TPD52: variants seen among roughly 807,000 people sequenced by gnomAD.
The protein encoded by TPD52 is tumor protein D52, also known as prostate and colon associated protein.
A neutral mutation model predicts 31.3 loss-of-function variants in TPD52; 17 were observed. That is an observed-to-expected ratio of 0.54 (90% CI 0.37 to 0.82). TPD52 has a LOEUF of 0.82. Among genes scored for constraint, TPD52 ranks in the 40% least tolerant of loss-of-function variants. The pLI, the probability that TPD52 is intolerant of heterozygous loss-of-function variation, is 0.00. For missense variants in TPD52, 212 were observed against 240.1 expected, an observed-to-expected ratio of 0.88 and a Z score of 0.77; for synonymous variants, 83 against 89.6, an observed-to-expected ratio of 0.93 and a Z score of 0.42.
At chr8:80,123,771 T>C (rs1211330671) in intron 1 of TPD52, among the ~76,000 whole-genome samples, 1 of 152,054 alleles carries the variant, frequency 6.6e-6, no homozygotes, top group East Asian at 1.9e-4. Context: ...GAAACTGTCA[T>C]AAAGGATGGA....
chr8:80,157,262 C>T (rs1451765883), intron 1 of TPD52, among the ~76,000 whole-genome samples: 4 of 137,868 alleles, frequency 2.9e-5, no homozygotes, highest in African/African-American at 5.6e-5. Flanking sequence ...AGAGGCCCCT[C>T]TTGAAGGCTA....
intron 1 of TPD52, among the ~76,000 whole-genome samples, chr8:80,169,405 T>C (rs1223074003): frequency 6.6e-6 from 1 of 152,200 alleles, no homozygotes; most frequent in African/African-American, 2.4e-5. Flanking sequence ...GGGAAAATTA[T>C]AGACACGAAA....
At chr8:80,048,934 A>T (rs908623567) in intron 5 of TPD52, among the ~76,000 whole-genome samples, 4 of 152,234 alleles carry the variant, frequency 2.6e-5, no homozygotes, top group Non-Finnish European at 4.4e-5. Context: ...AACAAAATGG[A>T]CAAAGTGACT....
At chr8:80,067,925 T>C (rs1813339023) in intron 1 of TPD52, among the ~76,000 whole-genome samples, 3 of 151,620 alleles carry the variant, frequency 2.0e-5, no homozygotes, top group Admixed American at 2.0e-4. Context: ...GGATTTAATA[T>C]GAAAATAGAG....
At chr8:80,145,991 A>C (rs1810164976) in intron 1 of TPD52, among the ~76,000 whole-genome samples, 1 of 152,178 alleles carries the variant, frequency 6.6e-6, no homozygotes, top group Non-Finnish European at 1.5e-5. Context: ...GCTCTCCCCC[A>C]CCCAATTTTA....
chr8:80,050,742 T>C (rs548952496), intron 4 of TPD52, among the ~76,000 whole-genome samples: 2 of 152,300 alleles, frequency 1.3e-5, no homozygotes, highest in African/African-American at 4.8e-5. Flanking sequence ...GTATAACACA[T>C]AAATTGACCA....
chr8:80,106,970 G>A (rs1175537685), intron 1 of TPD52, among the ~76,000 whole-genome samples: 2 of 151,288 alleles, frequency 1.3e-5, no homozygotes, highest in Non-Finnish European at 2.9e-5. Context: ...TCCTGCCTCA[G>A]CCTCCCGAGT....
chr8:80,040,056 G>C (rs980151872), intron 7 of TPD52, among the ~76,000 whole-genome samples: 2 of 151,804 alleles, frequency 1.3e-5, no homozygotes, highest in Non-Finnish European at 2.9e-5. Context: ...ACAGATGAAT[G>C]AATCAACCCA....
chr8:80,149,567 G>C (rs1043764936), intron 1 of TPD52, among the ~76,000 whole-genome samples: 1 of 152,356 alleles, frequency 6.6e-6, no homozygotes, highest in East Asian at 1.9e-4. Context: ...GAGGTTGGAA[G>C]AGTTTGGAGG....
intron 1 of TPD52, among the ~76,000 whole-genome samples, chr8:80,136,668 G>T (rs979290922): frequency 1.3e-5 from 2 of 150,322 alleles, no homozygotes; most frequent in Non-Finnish European, 3.0e-5. Context: ...AAGGTCCCAA[G>T]AAACAGTATG....
intron 5 of TPD52, among the ~76,000 whole-genome samples, chr8:80,047,372 A>G (rs1332759057): frequency 3.3e-5 from 5 of 152,224 alleles, no homozygotes; most frequent in South Asian, 4.1e-4. Flanking sequence ...ACATGCTTTA[A>G]TTGAAACATG....
chr8:80,085,566 G>C (rs1815676216), intron 1 of TPD52, among the ~76,000 whole-genome samples: 1 of 152,136 alleles, frequency 6.6e-6, no homozygotes, highest in South Asian at 2.1e-4. Context: ...CAGCTGGCTG[G>C]AAGGGGCTCC....
intron 5 of TPD52, 45 bp from the exon 6 acceptor site, chr8:80,044,253 T>C: frequency 2.1e-6 from 3 of 1,454,586 alleles, no homozygotes; most frequent in East Asian, 5.2e-5. Flanking sequence ...GTTAGTATAG[T>C]GGTGCTTCAA....
intron 7 of TPD52, 124 bp from the exon 8 acceptor site, chr8:80,038,359 T>C: frequency 3.1e-6 from 3 of 963,600 alleles, no homozygotes; most frequent in Non-Finnish European, 4.6e-6. Flanking sequence ...TCAGTGATTA[T>C]TATATATGTA....
intron 1 of TPD52, among the ~76,000 whole-genome samples, chr8:80,068,987 T>A (rs982116802): frequency 2.0e-5 from 3 of 152,204 alleles, no homozygotes; most frequent in African/African-American, 7.2e-5. Flanking sequence ...AGACATTTTA[T>A]GTGAGGAAAA....
chr8:80,033,862 G>A (rs570406553), downstream of TPD52, among the ~76,000 whole-genome samples: 6 of 152,234 alleles, frequency 3.9e-5, no homozygotes, highest in South Asian at 2.1e-4. Flanking sequence ...AACACCATCC[G>A]ATTAGCCGAA....
intron 1 of TPD52, among the ~76,000 whole-genome samples, chr8:80,153,226 C>G (rs1214099986): frequency 6.6e-6 from 1 of 152,192 alleles, no homozygotes; most frequent in Non-Finnish European, 1.5e-5. Flanking sequence ...ACATTAAGTA[C>G]AGCTGCTTTG....
chr8:80,127,055 G>C (rs966290950), intron 1 of TPD52, among the ~76,000 whole-genome samples: 1 of 151,838 alleles, frequency 6.6e-6, no homozygotes, highest in East Asian at 1.9e-4. Context: ...GCTGCAGGGA[G>C]CTGAGATCAT....
intron 3 of TPD52, chr8:80,052,523 G>C (rs1811473326): frequency 1.2e-6 from 1 of 854,132 alleles, no homozygotes; most frequent in Non-Finnish European, 1.6e-6. Flanking sequence ...TGGACCAAAA[G>C]ACTGGGGACT....
Sources: gnomAD v4.1 joint callset for allele counts (sites outside exome capture counted in the v4.1 genomes callset) on GRCh38, gnomAD v4.1.1 for gene constraint, MANE v1.5 for transcripts, NCBI Gene and HGNC (gene_info 2026-07-23, HGNC 2026-07-21) for gene names.